GAS2: variants seen among roughly 807,000 people sequenced by gnomAD.
GAS2 encodes growth arrest-specific protein 2.
GAS2 carries 20 observed loss-of-function variants against 37.5 expected under a neutral mutation model. The ratio of observed to expected loss-of-function variants is 0.53; its 90% confidence interval spans 0.37 to 0.77. The LOEUF (loss-of-function observed/expected upper bound fraction) is 0.77. Ranked by LOEUF, GAS2 falls within the 30% of genes least tolerant of loss-of-function variation. The pLI is 0.00. For synonymous variants in GAS2, 144 were observed against 132.2 expected, an observed-to-expected ratio of 1.09 and a Z score of -0.61; for missense variants, 336 against 373.4, an observed-to-expected ratio of 0.90 and a Z score of 0.82.
intron 7 of GAS2, among the ~76,000 whole-genome samples, chr11:22,784,277 A>C (rs141434407): frequency 1.4e-3 from 216 of 152,268 alleles, no homozygotes; most frequent in African/African-American, 4.9e-3. Context: ...TTTCTGTTAT[A>C]AACTATCTTG....
intron 7 of GAS2, among the ~76,000 whole-genome samples, chr11:22,804,400 G>T (rs755716656): frequency 6.6e-6 from 1 of 152,042 alleles, no homozygotes; most frequent in African/African-American, 2.4e-5. Context: ...TAGATACCTT[G>T]CTTGACAAAG....
chr11:22,812,006 A>G lies in GAS2; in HGVS notation c.932A>G (p.Glu311Gly), dbSNP rs149855507. The change falls in exon 8 of 8, where the codon GAA (glutamate) becomes GGA (glycine). Residue 311 changes from glutamate (E) to glycine (G), a missense_variant. By Grantham distance (98) the Glu-to-Gly change is moderately conservative. Transcript: ENST00000454584. ...TCTGCCAGTTATAAGGCTAAGAAGGAAATTAAGTGAAACAAATTGGTCATG... is the reference window on the plus strand; with the variant it reads ...TCTGCCAGTTATAAGGCTAAGAAGGGAATTAAGTGAAACAAATTGGTCATG... ...VVSASYKAKK[E>G]IK 1 of 1,613,528 alleles carries G rather than the reference A, an allele frequency of 6.2e-7. No individual in the cohort carries two copies. The highest frequency in any genetic ancestry group is 1.7e-5 in the Admixed American group (1 of 60,004).
intron 1 of GAS2, among the ~76,000 whole-genome samples, chr11:22,652,506 G>A (rs924730617): frequency 2.0e-5 from 3 of 152,188 alleles, no homozygotes; most frequent in African/African-American, 4.8e-5. Context: ...AATGGCGGGC[G>A]CCCCTTCCCC....
chr11:22,698,545 A>C (rs1213586708), intron 3 of GAS2, among the ~76,000 whole-genome samples: 2 of 151,362 alleles, frequency 1.3e-5, no homozygotes, highest in Non-Finnish European at 2.9e-5. Context: ...CTGACACCAA[A>C]GCCAGGCAGA....
chr11:22,774,518 T>C (rs1329323426), intron 7 of GAS2, among the ~76,000 whole-genome samples: 1 of 152,208 alleles, frequency 6.6e-6, no homozygotes, highest in Non-Finnish European at 1.5e-5. Flanking sequence ...ACAAGGCATT[T>C]TCTTAAAGTA....
chr11:22,648,911 C>T (rs1848737439), intron 1 of GAS2, among the ~76,000 whole-genome samples: 1 of 151,718 alleles, frequency 6.6e-6, no homozygotes, highest in Non-Finnish European at 1.5e-5. Flanking sequence ...CCTTTATTTC[C>T]TTCTCCTGCC....
At chr11:22,755,494 G>A (rs776218051) in intron 6 of GAS2, among the ~76,000 whole-genome samples, 14 of 151,962 alleles carry the variant, frequency 9.2e-5, no homozygotes, top group Non-Finnish European at 1.5e-4. Flanking sequence ...TTTTCAATAG[G>A]TTGACCTTGA....
chr11:22,669,076 T>G (rs1003163877), intron 1 of GAS2, among the ~76,000 whole-genome samples: 4 of 152,256 alleles, frequency 2.6e-5, no homozygotes, highest in African/African-American at 9.6e-5. Context: ...TTTACTCCTT[T>G]ATGTGAGACC....
rs144036206 is a variant in GAS2, at chr11:22,772,333, A to C, written c.723+16380A>C. 4.0e-3 allele frequency among the ~76,000 whole-genome samples: 606 copies of C among 152,300 alleles called. 4 individuals carry two copies. Among genetic ancestry groups the C allele is most frequent in the African/African-American group, 0.013 (545 of 41,570 alleles). On this transcript the variant is annotated intron_variant, in intron 7 of 7. Coordinates refer to ENST00000454584, the MANE Select transcript of GAS2 (RefSeq NM_001143830.3). ...TGGTTCAAGAGGAAGATGTTGGCGGACAGGTTTTCTTCAAATAATATGAGT... is the reference window on the plus strand; with the variant it reads ...TGGTTCAAGAGGAAGATGTTGGCGGCCAGGTTTTCTTCAAATAATATGAGT...
chr11:22,797,271 G>C (rs991691421), intron 7 of GAS2, among the ~76,000 whole-genome samples: 1 of 152,016 alleles, frequency 6.6e-6, no homozygotes, highest in Non-Finnish European at 1.5e-5. Flanking sequence ...CTTGCTTGCT[G>C]CTTTTCCCAT....
chr11:22,671,869 C>A (rs530819050), intron 1 of GAS2, among the ~76,000 whole-genome samples: 1 of 152,232 alleles, frequency 6.6e-6, no homozygotes, highest in South Asian at 2.1e-4. Flanking sequence ...ATCATGCTAG[C>A]TGAATCCATT....
chr11:22,689,461 G>C (rs1224093785), intron 3 of GAS2, among the ~76,000 whole-genome samples: 1 of 152,018 alleles, frequency 6.6e-6, no homozygotes, highest in Non-Finnish European at 1.5e-5. Context: ...AATAACTTGT[G>C]CCTTACTGTA....
intron 3 of GAS2, among the ~76,000 whole-genome samples, chr11:22,725,128 T>A (rs148188269): frequency 2.1e-3 from 317 of 152,200 alleles, no homozygotes; most frequent in African/African-American, 6.9e-3. Context: ...AGAATTACAT[T>A]CTTTAGCTTC....
At chr11:22,757,059 C>T (rs1324201374) in intron 7 of GAS2, among the ~76,000 whole-genome samples, 1 of 152,066 alleles carries the variant, frequency 6.6e-6, no homozygotes, top group East Asian at 1.9e-4. Flanking sequence ...GAATATTAGG[C>T]TCCAGAGCTT....
At chr11:22,649,390 T>C (rs957198957) in intron 1 of GAS2, among the ~76,000 whole-genome samples, 30 of 151,994 alleles carry the variant, frequency 2.0e-4, no homozygotes, top group African/African-American at 6.5e-4. Context: ...TTTTTGGTTG[T>C]GTCTCTGCCC....
At chr11:22,793,922 G>A (rs969009309) in intron 7 of GAS2, among the ~76,000 whole-genome samples, 1 of 152,140 alleles carries the variant, frequency 6.6e-6, no homozygotes, top group Non-Finnish European at 1.5e-5. Flanking sequence ...GCTAGATTGT[G>A]CCTAAGGTCA....
chr11:22,780,579 T>C (rs903485628), intron 7 of GAS2, among the ~76,000 whole-genome samples: 51 of 125,174 alleles, frequency 4.1e-4, no homozygotes, highest in African/African-American at 1.5e-3. Flanking sequence ...AAAAAAAAGA[T>C]TGTAAGATTT....
At chr11:22,770,375 G>T (rs1854915825) in intron 7 of GAS2, among the ~76,000 whole-genome samples, 1 of 152,128 alleles carries the variant, frequency 6.6e-6, no homozygotes. Flanking sequence ...ACAGTGGTAG[G>T]GCCTAGACAG....
intron 7 of GAS2, among the ~76,000 whole-genome samples, chr11:22,806,771 A>G (rs114274842): frequency 0.014 from 2,163 of 152,316 alleles, 51 homozygotes; most frequent in African/African-American, 0.049. Context: ...TTACTAGAGT[A>G]TATCCCCAGA....
Sources: gnomAD v4.1 joint callset for allele counts (sites outside exome capture counted in the v4.1 genomes callset) on GRCh38, gnomAD v4.1.1 for gene constraint, MANE v1.5 for transcripts, NCBI Gene and HGNC (gene_info 2026-07-23, HGNC 2026-07-21) for gene names.